Variants in CCSER1 observed in about 807,000 individuals in gnomAD.
CCSER1 encodes the protein serine-rich coiled-coil domain-containing protein 1.
Under a neutral mutation model 82.0 loss-of-function variants are expected in CCSER1, and 41 were observed. The observed-to-expected ratio is 0.50, with a 90% CI of 0.39 to 0.65. The LOEUF is 0.65. Among genes scored for constraint, CCSER1 ranks in the 30% least tolerant of loss-of-function variants. The pLI, the probability that CCSER1 is intolerant of heterozygous loss-of-function variation, is 0.00. For synonymous variants in CCSER1, 414 were observed against 383.9 expected (o/e 1.08, Z -0.92); for missense variants, 1,119 against 1,064.2 (o/e 1.05, Z -0.72).
chr4:91,178,109 A>T (rs1410744065), intron 10 of CCSER1, among the ~76,000 whole-genome samples: 1 of 152,152 alleles, frequency 6.6e-6, no homozygotes, highest in Non-Finnish European at 1.5e-5. Context: ...GTTTCCATGT[A>T]GTTGAGCGGT....
chr4:91,039,414 G>A (rs1195650991), intron 9 of CCSER1, among the ~76,000 whole-genome samples: 1 of 151,622 alleles, frequency 6.6e-6, no homozygotes, highest in African/African-American at 2.4e-5. Flanking sequence ...ACAACATTGT[G>A]TTTTTTTTCT....
intron 10 of CCSER1, among the ~76,000 whole-genome samples, chr4:91,204,286 T>G (rs1736160085): frequency 6.6e-6 from 1 of 151,902 alleles, no homozygotes; most frequent in African/African-American, 2.4e-5. Flanking sequence ...AATGTAATTC[T>G]GTCTGGGAGA....
chr4:90,508,003 G>A (rs957294807), intron 5 of CCSER1, among the ~76,000 whole-genome samples: 3 of 151,926 alleles, frequency 2.0e-5, no homozygotes, highest in Non-Finnish European at 2.9e-5. Context: ...AAATGTAACC[G>A]ATAATGTAGT....
At chr4:90,305,723 T>A (rs1294862017) in intron 1 of CCSER1, among the ~76,000 whole-genome samples, 2 of 152,206 alleles carry the variant, frequency 1.3e-5, no homozygotes, top group Non-Finnish European at 2.9e-5. Flanking sequence ...TCTTGCACAC[T>A]GTTGGTGGGG....
intron 5 of CCSER1, among the ~76,000 whole-genome samples, chr4:90,625,010 T>G (rs1723009214): frequency 6.6e-6 from 1 of 152,218 alleles, no homozygotes; most frequent in African/African-American, 2.4e-5. Context: ...TTTCTTTTTT[T>G]GCCAAGTTAA....
chr4:91,405,307 T>C (rs556440363), intron 10 of CCSER1, among the ~76,000 whole-genome samples: 28 of 152,030 alleles, frequency 1.8e-4, no homozygotes, highest in South Asian at 6.3e-4. Context: ...CAAAAATTAA[T>C]TGAAGATGGA....
intron 1 of CCSER1, among the ~76,000 whole-genome samples, chr4:90,259,268 C>A (rs748535398): frequency 2.0e-5 from 3 of 151,938 alleles, no homozygotes; most frequent in Non-Finnish European, 2.9e-5. Context: ...TGATGTGATT[C>A]TCAGCTTGAT....
At chr4:91,504,939 A>G (rs930384654) in intron 10 of CCSER1, among the ~76,000 whole-genome samples, 4 of 152,086 alleles carry the variant, frequency 2.6e-5, no homozygotes, top group African/African-American at 9.7e-5. Flanking sequence ...TTTATTCTTT[A>G]AAAAAATTAT....
At chr4:90,297,853 C>A (rs1253143550) in intron 1 of CCSER1, among the ~76,000 whole-genome samples, 1 of 152,050 alleles carries the variant, frequency 6.6e-6, no homozygotes, top group Non-Finnish European at 1.5e-5. Context: ...CCCACTTGAT[C>A]ATGGTGGATA....
intron 10 of CCSER1, among the ~76,000 whole-genome samples, chr4:91,526,839 TG>T (rs200921936): frequency 0.014 from 2,149 of 152,192 alleles, 55 homozygotes; most frequent in African/African-American, 0.049. Context: ...GTGATCCACC[TG>T]CCTTCGCCTC....
chr4:91,227,058 C>T (rs58763218), intron 10 of CCSER1, among the ~76,000 whole-genome samples: 8,896 of 151,832 alleles, frequency 0.059, 513 homozygotes, highest in African/African-American at 0.15. Context: ...ATCATTATTA[C>T]GTAATATATA....
intron 7 of CCSER1, among the ~76,000 whole-genome samples, chr4:90,799,331 T>G (rs1204319114): frequency 6.6e-6 from 1 of 152,128 alleles, no homozygotes; most frequent in Non-Finnish European, 1.5e-5. Context: ...TGCTCTGCAA[T>G]GGCAGTTGGC....
Position 90,151,038 on chromosome 4 carries a change from A to G in CCSER1, c.-42+23207A>G, listed in dbSNP as rs1435226657. On this transcript the variant is annotated intron_variant, in intron 1 of 10. Transcript: ENST00000509176. ...TTCCACAACCCTGCTCTGGCCTGAC[A>G]AAGACTTGCTTGGTTGATTAGCATG... 1.8e-4 allele frequency among the ~76,000 whole-genome samples: 28 copies of G among 152,106 alleles called. 1 individual carries two copies. Among genetic ancestry groups the G allele is most frequent in the Admixed American group, 1.8e-3 (28 of 15,242 alleles).
At chr4:90,395,845 G>T (rs552001492) in intron 3 of CCSER1, among the ~76,000 whole-genome samples, 3 of 151,324 alleles carry the variant, frequency 2.0e-5, no homozygotes, top group African/African-American at 7.3e-5. Flanking sequence ...AGGCCAAAGC[G>T]GCAGACATGA....
At chr4:90,660,714 T>C (rs1399412) in intron 6 of CCSER1, among the ~76,000 whole-genome samples, 77,990 of 151,964 alleles carry the variant, frequency 0.51, 20,258 homozygotes, top group Middle Eastern at 0.67. Flanking sequence ...CTAAAATAGA[T>C]ATTAAATACA....
intron 7 of CCSER1, among the ~76,000 whole-genome samples, chr4:90,741,226 A>G (rs1325116529): frequency 1.3e-5 from 2 of 152,236 alleles, no homozygotes; most frequent in African/African-American, 2.4e-5. Context: ...AAACAAAAAG[A>G]ATTTTAAGAA....
chr4:90,621,078 G>A (rs899492766), intron 5 of CCSER1, among the ~76,000 whole-genome samples: 1 of 151,978 alleles, frequency 6.6e-6, no homozygotes, highest in Non-Finnish European at 1.5e-5. Flanking sequence ...CTCGGCCTCC[G>A]AAACTGTCAA....
intron 1 of CCSER1, among the ~76,000 whole-genome samples, chr4:90,292,279 C>G (rs1449992313): frequency 1.3e-5 from 2 of 151,606 alleles, no homozygotes; most frequent in Admixed American, 6.6e-5. Flanking sequence ...TAACTTTGAA[C>G]TAGAAAAAAT....
At chr4:91,387,164 A>G (rs1045103883) in intron 10 of CCSER1, among the ~76,000 whole-genome samples, 2 of 152,056 alleles carry the variant, frequency 1.3e-5, no homozygotes, top group African/African-American at 2.4e-5. Context: ...CCTTGTTTAT[A>G]AATATATACC....
Sources: gnomAD v4.1 joint callset for allele counts (sites outside exome capture counted in the v4.1 genomes callset) on GRCh38, gnomAD v4.1.1 for gene constraint, MANE v1.5 for transcripts, NCBI Gene and HGNC (gene_info 2026-07-23, HGNC 2026-07-21) for gene names.